Variants in MYH15 observed in about 807,000 individuals in gnomAD.
The protein encoded by MYH15 is myosin-15.
MYH15 carries 227 observed loss-of-function variants against 240.5 expected under a neutral mutation model. The observed-to-expected ratio is 0.94, with a 90% CI of 0.85 to 1.05. The LOEUF is 1.05. Among genes scored for constraint, MYH15 ranks in the 50% least tolerant of loss-of-function variants. MYH15 has a pLI of 0.00. For missense variants in MYH15, 2,217 were observed against 2,247.5 expected, an observed-to-expected ratio of 0.99 and a Z score of 0.27; for synonymous variants, 785 against 796.7, an observed-to-expected ratio of 0.99 and a Z score of 0.25.
At chr3:108,424,481 T>C (rs2082711059) in intron 27 of MYH15, among the ~76,000 whole-genome samples, 2 of 152,246 alleles carry the variant, frequency 1.3e-5, no homozygotes, top group African/African-American at 2.4e-5. Context: ...TATGTTTTGA[T>C]ACCAGGGATG....
chr3:108,466,135 T>C (rs1301400541), intron 14 of MYH15, among the ~76,000 whole-genome samples: 1 of 152,150 alleles, frequency 6.6e-6, no homozygotes, highest in African/African-American at 2.4e-5. Context: ...GGCTGCAGGC[T>C]AGATTGGGTC....
the MYH15 span, among the ~76,000 whole-genome samples, chr3:108,542,881 CTTTTTT>C: frequency 1.5e-5 from 2 of 133,206 alleles, no homozygotes; most frequent in South Asian, 4.9e-4. Context: ...GATCTCGTTC[CTTTTTT>C]TTTTTTTTTT....
At chr3:108,525,047 G>T (rs1392434466) in intron 1 of MYH15, among the ~76,000 whole-genome samples, 2 of 152,004 alleles carry the variant, frequency 1.3e-5, no homozygotes, top group East Asian at 3.9e-4. Flanking sequence ...GTTACACCTA[G>T]TTGCAAAGGA....
At chr3:108,492,183 C>A (rs893829776) in intron 9 of MYH15, among the ~76,000 whole-genome samples, 1 of 143,438 alleles carries the variant, frequency 7.0e-6, no homozygotes, top group Non-Finnish European at 1.5e-5. Flanking sequence ...TAATTAAGGC[C>A]TTAAATTAAT....
Position 108,455,873 on chromosome 3 carries a change from A to T in MYH15, c.2139-14T>A, listed in dbSNP as rs1348164861. The T allele has an allele frequency of 6.2e-7, 1 of 1,606,898 alleles. No individual in the cohort carries two copies. Among genetic ancestry groups the T allele is most frequent in the Non-Finnish European group, 8.5e-7 (1 of 1,174,034 alleles). Reference sequence around the variant, plus strand: ...AGAATGCAGTACCTAATTTAAAATAAAGAAAAAATCATGAGTTTGGGAAAT... The same window carrying T: ...AGAATGCAGTACCTAATTTAAAATATAGAAAAAATCATGAGTTTGGGAAAT... On this transcript the variant is annotated splice_polypyrimidine_tract_variant and intron_variant, in intron 19 of 40. Transcript: ENST00000693548.
In MYH15 at chr3:108,470,181, A is replaced by T; in HGVS notation, c.1415T>A (p.Phe472Tyr). The T allele has an allele frequency of 6.2e-7, 1 of 1,609,772 alleles. No homozygotes were observed. The highest frequency in any genetic ancestry group is 8.5e-7 in the Non-Finnish European group (1 of 1,178,046). ...YNSLEQLCINFTNEKLQQFFN... is the reference protein window; with the variant it reads ...YNSLEQLCINYTNEKLQQFFN... ...GAATTGTTGTAATTTTTCATTGGTA[A>T]AATTAATGCAAAGTTGCTCAAGGCT... is the stretch of plus-strand genomic sequence containing the variant. The change falls in exon 14 of 41, where the codon TTT becomes TAT. Residue 472 changes from phenylalanine (F) to tyrosine (Y), a missense_variant. Coordinates refer to ENST00000693548, the MANE Select transcript of MYH15 (RefSeq NM_014981.3).
chr3:108,429,244 T>C (rs1223875365), intron 26 of MYH15, among the ~76,000 whole-genome samples: 1 of 152,216 alleles, frequency 6.6e-6, no homozygotes, highest in African/African-American at 2.4e-5. Context: ...ACAAAAATCT[T>C]CCTCATTTGA....
At chr3:108,522,232 T>C (rs940418757) in intron 1 of MYH15, among the ~76,000 whole-genome samples, 1 of 151,836 alleles carries the variant, frequency 6.6e-6, no homozygotes, top group African/African-American at 2.4e-5. Flanking sequence ...AACAAAAAAA[T>C]CCCAAGAAAG....
intron 25 of MYH15, among the ~76,000 whole-genome samples, chr3:108,434,361 T>C (rs960209246): frequency 2.0e-5 from 3 of 151,738 alleles, no homozygotes; most frequent in Admixed American, 6.6e-5. Context: ...TTTGTATTTT[T>C]AGTAGAGACA....
chr3:108,498,396 G>A (rs1412393059), intron 5 of MYH15, among the ~76,000 whole-genome samples: 1 of 152,150 alleles, frequency 6.6e-6, no homozygotes, highest in Non-Finnish European at 1.5e-5. Context: ...ATATTAGGAA[G>A]CCTGTTCCTT....
chr3:108,494,811 A>C (rs1433095386), intron 7 of MYH15, among the ~76,000 whole-genome samples: 1 of 151,778 alleles, frequency 6.6e-6, no homozygotes, highest in Admixed American at 6.6e-5. Context: ...TTTTTACCTG[A>C]TGTTCTTCGC....
intron 35 of MYH15, among the ~76,000 whole-genome samples, chr3:108,396,326 A>G (rs377148678): frequency 6.6e-6 from 1 of 152,178 alleles, no homozygotes. Flanking sequence ...AAATTTTTCC[A>G]TAGACCAGGT....
chr3:108,529,364 G>A, upstream of MYH15: 3 of 981,318 alleles, frequency 3.1e-6, no homozygotes, highest in Non-Finnish European at 4.7e-6. Flanking sequence ...AGCCAGGAAG[G>A]CAACATTATG....
At chr3:108,542,433 T>C in the MYH15 span, among the ~76,000 whole-genome samples, 6 of 152,224 alleles carry the variant, frequency 3.9e-5, no homozygotes, top group African/African-American at 9.6e-5. Context: ...TTCTATAGTT[T>C]TGACTTTTCC....
intron 33 of MYH15, among the ~76,000 whole-genome samples, chr3:108,399,591 G>A (rs16854579): frequency 0.013 from 1,943 of 151,270 alleles, 40 homozygotes; most frequent in African/African-American, 0.045. Flanking sequence ...GATGACCTAG[G>A]GCAAGCACCT....
chr3:108,500,230 C>T lies in MYH15; in HGVS notation c.384G>A (p.Trp128Ter), dbSNP rs745873630. 1.2e-6 allele frequency: 2 copies of T among 1,613,980 alleles called. No homozygotes were observed. Among genetic ancestry groups the T allele is most frequent in the Non-Finnish European group, 1.7e-6 (2 of 1,179,936 alleles). ...TGACTTCTTTCTGATACACGGGAAG[C>T]CATTTGTAAGGGTTTATGGTCACAC... ...LFCVTINPYK[W>*]LPVYQKEVMA... The change falls in exon 4 of 41, where the codon TGG becomes TGA. Residue 128 changes from tryptophan (W) to a stop codon, truncating the protein, a stop_gained. Transcript: ENST00000693548. LOFTEE classifies it high-confidence loss of function.
At chr3:108,382,735 G>C (rs1419285463) in intron 40 of MYH15, among the ~76,000 whole-genome samples, 1 of 152,002 alleles carries the variant, frequency 6.6e-6, no homozygotes, top group Non-Finnish European at 1.5e-5. Flanking sequence ...CGAAAACACA[G>C]AGAAAGAGGG....
intron 33 of MYH15, among the ~76,000 whole-genome samples, chr3:108,404,029 T>A: frequency 6.6e-6 from 1 of 152,014 alleles, no homozygotes; most frequent in East Asian, 1.9e-4. Context: ...TCATTTTTAT[T>A]CCTTGTGGAA....
chr3:108,428,448 C>A (rs1350235), intron 27 of MYH15, 44 bp downstream of exon 27: 1,307,792 of 1,549,372 alleles, frequency 0.84, 556,197 homozygotes, highest in Non-Finnish European at 0.87. Context: ...CCCCTCCCTA[C>A]TTCCATGTTC....
Sources: gnomAD v4.1 joint callset for allele counts (sites outside exome capture counted in the v4.1 genomes callset) on GRCh38, gnomAD v4.1.1 for gene constraint, MANE v1.5 for transcripts, NCBI Gene and HGNC (gene_info 2026-07-23, HGNC 2026-07-21) for gene names.